The following GALNT14 variants were observed in gnomAD, a reference collection of about 807,000 sequenced individuals.
The protein encoded by GALNT14 is UDP-GalNAc:polypeptide N-acetylgalactosaminyltransferase 14.
A neutral mutation model predicts 77.5 loss-of-function variants in GALNT14; 60 were observed. The ratio of observed to expected loss-of-function variants is 0.77; its 90% CI spans 0.63 to 0.96. The LOEUF is 0.96. GALNT14 is among the 40% of genes least tolerant of loss of function. The pLI is 0.00. For synonymous variants in GALNT14, 280 were observed against 281.7 expected (o/e 0.99, Z 0.06); for missense variants, 710 against 731.0 (o/e 0.97, Z 0.33).
At chr2:31,031,438 G>C (rs1672403399) in intron 1 of GALNT14, among the ~76,000 whole-genome samples, 1 of 152,140 alleles carries the variant, frequency 6.6e-6, no homozygotes, top group Non-Finnish European at 1.5e-5. Flanking sequence ...CTAGTCATAA[G>C]GAAATGATAT....
At chr2:31,103,915 AAGGGCT>A (rs1270781274) in intron 1 of GALNT14, among the ~76,000 whole-genome samples, 3 of 152,190 alleles carry the variant, frequency 2.0e-5, no homozygotes, top group African/African-American at 7.2e-5. Context: ...TTTGTTCAGG[AAGGGCT>A]CATGGGAACA....
chr2:31,064,386 C>T (rs769786679), intron 1 of GALNT14, among the ~76,000 whole-genome samples: 1 of 152,172 alleles, frequency 6.6e-6, no homozygotes, highest in Non-Finnish European at 1.5e-5. Context: ...TCAACTATCC[C>T]AGTGCTTTCC....
intron 1 of GALNT14, among the ~76,000 whole-genome samples, chr2:31,104,243 G>C (rs958830460): frequency 6.6e-6 from 1 of 152,052 alleles, no homozygotes; most frequent in African/African-American, 2.4e-5. Context: ...CAAACCTAAA[G>C]AAAAGTTGTA....
chr2:31,125,672 T>C (rs1329836306), intron 1 of GALNT14, among the ~76,000 whole-genome samples: 1 of 152,226 alleles, frequency 6.6e-6, no homozygotes. Context: ...TAATAGCAGG[T>C]ATTTGTTTTT....
chr2:31,044,777 T>G (rs1573231496), intron 1 of GALNT14, among the ~76,000 whole-genome samples: 1 of 150,304 alleles, frequency 6.7e-6, no homozygotes, highest in Admixed American at 6.6e-5. Flanking sequence ...ATACAAAAAT[T>G]AGTGGTGCAC....
At chr2:30,991,638 T>C (rs973469166) in intron 2 of GALNT14, among the ~76,000 whole-genome samples, 1 of 152,104 alleles carries the variant, frequency 6.6e-6, no homozygotes, top group Non-Finnish European at 1.5e-5. Flanking sequence ...TAGAAGAAGC[T>C]GTAATATCAT....
chr2:30,987,574 C>A (rs1438374673), intron 2 of GALNT14, among the ~76,000 whole-genome samples: 1 of 152,208 alleles, frequency 6.6e-6, no homozygotes, highest in African/African-American at 2.4e-5. Context: ...ATTAAGCCCC[C>A]AGGCCTCTCT....
chr2:30,924,698 C>A, intron 12 of GALNT14, 42 bp downstream of exon 12: 1 of 1,571,872 alleles, frequency 6.4e-7, no homozygotes, highest in Admixed American at 1.7e-5. Context: ...CTGAGGGCCT[C>A]TGCTTTCAGC....
rs1664461593 is a variant in GALNT14 at position 30,912,993 on chromosome 2, T to C, written c.1381-651A>G. ...ATAGATCTTTTGGCCCCTGAGCTCT[T>C]TCAGGGAGCGAAGCTGAGAAATTGG... On this transcript the variant is annotated intron_variant, in intron 13 of 14. Transcript: ENST00000349752. Among the ~76,000 whole-genome samples the C allele has an allele frequency of 2.0e-5, 3 of 152,138 alleles. No individual in the cohort carries two copies. The South Asian group carries it at 6.2e-4, about 32-fold the overall frequency.
chr2:30,962,905 A>G lies in GALNT14; in HGVS notation c.398+3299T>C, dbSNP rs1056888128. Among the ~76,000 whole-genome samples, 8 of 152,348 alleles carry G rather than the reference A, an allele frequency of 5.3e-5. No individual in the cohort carries two copies. The East Asian group carries it at 1.5e-3, about 29-fold the overall frequency. On this transcript the variant is annotated intron_variant, in intron 3 of 14. Transcript: ENST00000349752. ...GTGGCTAGTGATTCATTTGTGCAAC[A>G]GGATAGAGAGTGAAAGGGAGGTATA...
intron 3 of GALNT14, 28 bp downstream of exon 3, chr2:30,966,176 G>T: frequency 6.3e-7 from 1 of 1,592,208 alleles, no homozygotes; most frequent in Non-Finnish European, 8.6e-7. Flanking sequence ...GCCCAGAGCT[G>T]GCCAACAGAC....
intron 1 of GALNT14, chr2:31,125,096 T>C: frequency 7.9e-7 from 1 of 1,265,114 alleles, no homozygotes; most frequent in African/African-American, 1.5e-5. Context: ...ACCCAGGGCC[T>C]GCTTGGGCAG....
chr2:31,117,033 AT>A (rs762179536), intron 1 of GALNT14, among the ~76,000 whole-genome samples: 19 of 152,050 alleles, frequency 1.2e-4, no homozygotes, highest in Non-Finnish European at 2.2e-4. Context: ...GCGAAACTCT[AT>A]CTCAGAAAAA....
At chr2:30,891,634 C>T in the GALNT14 span, among the ~76,000 whole-genome samples, 1 of 152,104 alleles carries the variant, frequency 6.6e-6, no homozygotes. Flanking sequence ...ATCAGTGTTG[C>T]CCCCGCAGAC....
At chr2:30,975,271 T>C (rs1401971561) in intron 2 of GALNT14, among the ~76,000 whole-genome samples, 1 of 152,206 alleles carries the variant, frequency 6.6e-6, no homozygotes, top group Non-Finnish European at 1.5e-5. Context: ...CCAAGAATGA[T>C]GAAAAATGTC....
chr2:30,920,855 G>A (rs1405293035), intron 13 of GALNT14, among the ~76,000 whole-genome samples: 1 of 152,176 alleles, frequency 6.6e-6, no homozygotes, highest in Non-Finnish European at 1.5e-5. Flanking sequence ...TCCCTGGGCC[G>A]TGGTACAGTC....
chr2:31,058,940 A>G (rs530496093), intron 1 of GALNT14, among the ~76,000 whole-genome samples: 6 of 152,344 alleles, frequency 3.9e-5, no homozygotes, highest in African/African-American at 1.2e-4. Context: ...AAATGGCTCA[A>G]CCAAAACCCT....
the GALNT14 span, among the ~76,000 whole-genome samples, chr2:30,895,579 G>A: frequency 7.2e-5 from 11 of 152,150 alleles, no homozygotes; most frequent in African/African-American, 2.2e-4. Context: ...GATTAATCAC[G>A]CTACTCAAAG....
At chr2:31,112,891 C>T (rs577191798) in intron 1 of GALNT14, among the ~76,000 whole-genome samples, 1 of 152,292 alleles carries the variant, frequency 6.6e-6, no homozygotes, top group East Asian at 1.9e-4. Flanking sequence ...ACCTAGAAGT[C>T]CCCAAGTGAT....
Sources: gnomAD v4.1 joint callset for allele counts (sites outside exome capture counted in the v4.1 genomes callset) on GRCh38, gnomAD v4.1.1 for gene constraint, MANE v1.5 for transcripts, NCBI Gene and HGNC (gene_info 2026-07-23, HGNC 2026-07-21) for gene names.